The following APBB2 variants were observed in gnomAD, a reference collection of about 807,000 sequenced individuals.
APBB2 encodes Fe65-like 1.
Under a neutral mutation model 82.5 loss-of-function variants are expected in APBB2, and 38 were observed. The ratio of observed to expected loss-of-function variants is 0.46; its 90% CI spans 0.36 to 0.60. APBB2 has a LOEUF of 0.60. Ranked by LOEUF, APBB2 falls within the 20% of genes least tolerant of loss-of-function variation. APBB2 has a pLI of 0.00. For synonymous variants in APBB2, 341 were observed against 368.2 expected (o/e 0.93, Z 0.85); for missense variants, 772 against 972.3 (o/e 0.79, Z 2.74).
At chr4:40,989,808 A>G (rs768135415) in intron 6 of APBB2, among the ~76,000 whole-genome samples, 3 of 152,204 alleles carry the variant, frequency 2.0e-5, no homozygotes, top group Non-Finnish European at 4.4e-5. Context: ...CAACATATTC[A>G]TAGATTAAAT....
Position 40,810,992 on chromosome 4 carries a change from C to CAA in APBB2, c.*5098_*5099dup, listed in dbSNP as rs954625841. The stretch of plus-strand genomic sequence containing the variant: ...TAGCTGGTCTTGAGATTTTTATTTT[C>CAA]AAGTGTATTTTCTGTGATGTTGTCT... On this transcript the variant is annotated 3_prime_UTR_variant, in exon 18 of 18. Coordinates refer to ENST00000508593, the MANE Select transcript of APBB2 (RefSeq NM_004307.2). 6.6e-6 allele frequency: 1 copy of CAA among 152,116 alleles called. No homozygotes were observed. Among genetic ancestry groups the CAA allele is most frequent in the Non-Finnish European group, 1.5e-5 (1 of 68,022 alleles). 9.4% of individuals were successfully genotyped at this position (152,116 alleles called of 1,614,324 possible).
At chr4:41,120,346 G>A (rs887644532) in intron 2 of APBB2, among the ~76,000 whole-genome samples, 1 of 152,130 alleles carries the variant, frequency 6.6e-6, no homozygotes, top group African/African-American at 2.4e-5. Context: ...AGGTCCCGCT[G>A]TGTTAACAAA....
At position 40,895,005 on chromosome 4, in the gene APBB2, G is replaced by A. The variant is rs545990470; in HGVS notation, c.1255-1594C>T. On this transcript the variant is annotated intron_variant, in intron 10 of 17. Transcript: ENST00000508593. ...ATCCTTCCTTGGGAGCCAACAGACT[G>A]GATCTCAAAGAACAGCTTGTAAAGT... is the stretch of plus-strand genomic sequence containing the variant. Among the ~76,000 whole-genome samples, 5 of 152,252 alleles carry A rather than the reference G, an allele frequency of 3.3e-5. No homozygotes were observed. In the East Asian group the frequency reaches 7.7e-4, roughly 24 times the overall value.
At chr4:41,153,397 ACTT>A (rs1367219565) in intron 1 of APBB2, among the ~76,000 whole-genome samples, 1 of 152,216 alleles carries the variant, frequency 6.6e-6, no homozygotes, top group Non-Finnish European at 1.5e-5. Context: ...CCCAAAACCT[ACTT>A]TTCCTCCTTT....
intron 3 of APBB2, among the ~76,000 whole-genome samples, chr4:41,077,207 C>A (rs1044312941): frequency 6.8e-6 from 1 of 146,834 alleles, no homozygotes; most frequent in Admixed American, 6.9e-5. Flanking sequence ...GATAAGGACT[C>A]ACTATGTTGC....
At chr4:41,171,413 C>CA (rs36104073) in intron 1 of APBB2, among the ~76,000 whole-genome samples, 289 of 146,190 alleles carry the variant, frequency 2.0e-3, no homozygotes, top group South Asian at 4.8e-3. Flanking sequence ...ACAATAATAG[C>CA]AAAAAAAAAA....
intron 4 of APBB2, among the ~76,000 whole-genome samples, chr4:41,038,499 C>T (rs1181496078): frequency 6.6e-6 from 1 of 152,088 alleles, no homozygotes; most frequent in Non-Finnish European, 1.5e-5. Context: ...CCTCCCCATA[C>T]ATTGTCCCGG....
At chr4:40,888,218 G>A (rs1488560501) in intron 12 of APBB2, among the ~76,000 whole-genome samples, 1 of 152,240 alleles carries the variant, frequency 6.6e-6, no homozygotes, top group African/African-American at 2.4e-5. Context: ...ATGTGTTGTG[G>A]TCCTTATTAT....
At chr4:41,052,738 G>A (rs867741214) in intron 4 of APBB2, among the ~76,000 whole-genome samples, 2 of 151,132 alleles carry the variant, frequency 1.3e-5, no homozygotes, top group African/African-American at 4.9e-5. Context: ...AGTGTTTCTC[G>A]TTCCTTTGGG....
intron 11 of APBB2, 150 bp downstream of exon 11, chr4:40,893,115 T>C (rs6849533): frequency 0.47 from 413,692 of 871,790 alleles, 99,741 homozygotes; most frequent in East Asian, 0.63. Context: ...CACACGGGGG[T>C]ACCATGCCTA....
chr4:40,916,312 A>AGAC (rs1560892984), intron 10 of APBB2, among the ~76,000 whole-genome samples: 10 of 151,782 alleles, frequency 6.6e-5, no homozygotes, highest in Admixed American at 1.3e-4. Context: ...GCTAGACCTG[A>AGAC]AGACAGACAG....
chr4:40,910,460 A>T (rs1306133217), intron 10 of APBB2, among the ~76,000 whole-genome samples: 2 of 151,988 alleles, frequency 1.3e-5, no homozygotes, highest in African/African-American at 2.4e-5. Flanking sequence ...GCTGGTCTTC[A>T]ACTCCTGGGC....
intron 12 of APBB2, among the ~76,000 whole-genome samples, chr4:40,856,009 T>C (rs1237692695): frequency 1.3e-5 from 2 of 152,230 alleles, no homozygotes; most frequent in Non-Finnish European, 2.9e-5. Context: ...AGCAAGGATC[T>C]GAACTTTAGA....
Position 40,832,893 on chromosome 4 carries a change from C to A in APBB2, c.1530-2316G>T, listed in dbSNP as rs1040421469. ...CAAGTGTGGGCCTGTGGCACACATC[C>A]CTCCTTCCTGTTGGGAAAGTCGGTC... On this transcript the variant is annotated intron_variant, in intron 12 of 17. Transcript: ENST00000508593. This position sits in a 1 kb window ranked among gnomAD's most constrained non-coding sequence, Gnocchi z 4.8. Among the ~76,000 whole-genome samples the A allele has an allele frequency of 6.6e-6, 1 of 152,166 alleles. No homozygotes were observed. Among genetic ancestry groups the A allele is most frequent in the East Asian group, 1.9e-4 (1 of 5,190 alleles).
chr4:40,991,152 T>TTGTTG lies in APBB2; in HGVS notation c.835+22426_835+22430dup, dbSNP rs1176864995. Reference sequence around the variant, plus strand: ...TGTGTGCCACTACGCATGGCTAATTTTGTTGTGTGTGTGTGTGTTTTGCTT... The same window carrying TTGTTG: ...TGTGTGCCACTACGCATGGCTAATTTTGTTGTGTTGTGTGTGTGTGTGTTTTGCTT... On this transcript the variant is annotated intron_variant, in intron 6 of 17. Coordinates refer to ENST00000508593, the MANE Select transcript of APBB2 (RefSeq NM_004307.2). Among the ~76,000 whole-genome samples, 16 of 149,886 alleles carry TTGTTG rather than the reference T, an allele frequency of 1.1e-4. No homozygotes were observed. The South Asian group carries it at 3.4e-3, about 32-fold the overall frequency.
chr4:41,129,222 C>T (rs1390074677), intron 2 of APBB2, among the ~76,000 whole-genome samples: 1 of 152,180 alleles, frequency 6.6e-6, no homozygotes, highest in African/African-American at 2.4e-5. Context: ...TGACACACAA[C>T]AGGAGCTCAA....
rs1809100925 is a variant in APBB2, at chr4:41,013,842, T to C, written c.576A>G (p.Pro192=). The change falls in exon 6 of 18, where the codon CCA becomes CCG. Residue 192 remains proline, a synonymous_variant. Coordinates refer to ENST00000508593, the MANE Select transcript of APBB2 (RefSeq NM_004307.2). ...TGATGGTGGAGGCCTGGCCCTGGAC[T>C]GGCTGGGATTTCTCTTCCGCAGTCC... ...HHGTAEEKSQ[P]VQGQASTIIG... The C allele has an allele frequency of 1.1e-5, 18 of 1,614,112 alleles. No homozygotes were observed. The highest frequency in any genetic ancestry group is 8.0e-5 in the African/African-American group (6 of 74,936).
At chr4:41,087,696 T>C (rs568482942) in intron 3 of APBB2, among the ~76,000 whole-genome samples, 2 of 152,266 alleles carry the variant, frequency 1.3e-5, no homozygotes, top group South Asian at 4.1e-4. Flanking sequence ...CCCATAGTGC[T>C]GGGATTACAG....
intron 6 of APBB2, among the ~76,000 whole-genome samples, chr4:40,956,312 C>A (rs1791634517): frequency 6.6e-6 from 1 of 152,076 alleles, no homozygotes; most frequent in Non-Finnish European, 1.5e-5. Context: ...AGGCAGCAAA[C>A]AGAGGCTGCT....
Sources: gnomAD v4.1 joint callset for allele counts (sites outside exome capture counted in the v4.1 genomes callset) on GRCh38, gnomAD v4.1.1 for gene constraint, Gnocchi (gnomAD v3.1) non-coding constraint, MANE v1.5 for transcripts, NCBI Gene and HGNC (gene_info 2026-07-23, HGNC 2026-07-21) for gene names.